The following DPM1 variants were observed in gnomAD, a reference collection of about 807,000 sequenced individuals.
DPM1 encodes dolichyl-phosphate mannosyltransferase subunit 1, catalytic, also known as dolichol-phosphate mannosyltransferase subunit 1.
DPM1 carries 27 observed loss-of-function variants against 39.0 expected under a neutral mutation model. That is an observed-to-expected ratio of 0.69 (90% CI 0.51 to 0.95). The LOEUF is 0.95. DPM1 is among the 40% of genes least tolerant of loss of function. DPM1 has a pLI of 0.00. For missense variants in DPM1, 307 were observed against 315.6 expected (o/e 0.97, Z 0.21); for synonymous variants, 124 against 109.0 (o/e 1.14, Z -0.86).
rs567737911 is a variant in DPM1, at chr20:50,935,354, G to A, written c.679-118C>T. ...TAGTCCTACAACAGAGGTCCTTAAA[G>A]TAAGTATAAAATTAGGGGATTATGA... On this transcript the variant is annotated intron_variant, in intron 8 of 8. Coordinates refer to ENST00000371588, the MANE Select transcript of DPM1 (RefSeq NM_003859.3). The A allele has an allele frequency of 1.5e-4, 107 of 700,630 alleles. No homozygotes were observed. In the East Asian group the frequency reaches 2.6e-3, roughly 17 times the overall value. The allele number at this position is 700,630 out of a possible 1,614,324, so 43.4% of individuals were successfully genotyped here.
In DPM1 at chr20:50,942,030, C is replaced by CAT. The variant is rs757405078; in HGVS notation, c.494_494+1insAT (p.Ser165ArgfsTer8). The CAT allele has an allele frequency of 1.9e-6, 3 of 1,610,300 alleles. No individual in the cohort carries two copies. The highest frequency in any genetic ancestry group is 2.5e-6 in the Non-Finnish European group (3 of 1,176,666). On this transcript the variant is annotated frameshift_variant and splice_region_variant. Transcript: ENST00000371588. LOFTEE classifies it high-confidence loss of function. ...AAAGAAGTTGTAACACATGTACCTA[C>CAT]CTGATTATTTTTCTTTTCAAATCCC...
rs1470781231 is a variant in DPM1 at position 50,942,048 on chromosome 20, C to T, written c.477G>A (p.Leu159=). Reference sequence around the variant, plus strand: ...GTACCTACCTGATTATTTTTCTTTTCAAATCCCAGCCATATACACCTCCAT... The same window carrying T: ...GTACCTACCTGATTATTTTTCTTTTTAAATCCCAGCCATATACACCTCCAT... ...KGNGGVYGWD[L]KRKIISRGAN... is the part of the protein sequence containing the mutation. Residue 159 remains leucine (L), a synonymous_variant, in exon 6 of 9, where the codon TTG becomes TTA. Transcript: ENST00000371588. 2.5e-6 allele frequency: 4 copies of T among 1,613,956 alleles called. No homozygotes were observed. The South Asian group carries it at 4.4e-5, about 18-fold the overall frequency.
chr20:50,953,518 G>A (rs1204552415), intron 2 of DPM1, among the ~76,000 whole-genome samples: 1 of 151,928 alleles, frequency 6.6e-6, no homozygotes, highest in Non-Finnish European at 1.5e-5. Context: ...TTTTTTAAAA[G>A]TCATTTTCTA....
At chr20:50,936,832 G>C (rs1985202647) in intron 7 of DPM1, among the ~76,000 whole-genome samples, 1 of 152,204 alleles carries the variant, frequency 6.6e-6, no homozygotes, top group African/African-American at 2.4e-5. Flanking sequence ...AGGCATCACA[G>C]GATAGAAACA....
intron 2 of DPM1, among the ~76,000 whole-genome samples, chr20:50,948,934 C>T (rs1461541609): frequency 6.6e-6 from 1 of 151,778 alleles, no homozygotes; most frequent in Non-Finnish European, 1.5e-5. Context: ...GATCTCCGCT[C>T]ACTGCAACCT....
chr20:50,958,360 T>C lies in DPM1; in HGVS notation c.161+3A>G. On this transcript the variant is annotated splice_donor_region_variant and intron_variant, in intron 1 of 8. Coordinates refer to ENST00000371588, the MANE Select transcript of DPM1 (RefSeq NM_003859.3). Reference sequence around the variant, plus strand: ...CTTCGGGGAGGGAGACCTGGTGCGCTACCTCTCGGAGAAGCTTTTCACCAG... The same window carrying C: ...CTTCGGGGAGGGAGACCTGGTGCGCCACCTCTCGGAGAAGCTTTTCACCAG... 6.2e-7 allele frequency: 1 copy of C among 1,613,302 alleles called. No homozygotes were observed.
chr20:50,937,838 T>TA (rs1985346134), intron 7 of DPM1, among the ~76,000 whole-genome samples: 4 of 151,922 alleles, frequency 2.6e-5, no homozygotes, highest in African/African-American at 7.3e-5. Flanking sequence ...TTATTATTAT[T>TA]TTTATTTTTT....
At chr20:50,954,709 GCCA>G (rs1986740527) in intron 2 of DPM1, among the ~76,000 whole-genome samples, 1 of 152,092 alleles carries the variant, frequency 6.6e-6, no homozygotes, top group African/African-American at 2.4e-5. Context: ...GACTAAAAAT[GCCA>G]AGTACTCTAA....
chr20:50,952,258 A>G (rs1179335130), intron 2 of DPM1, among the ~76,000 whole-genome samples: 4 of 152,242 alleles, frequency 2.6e-5, no homozygotes, highest in Non-Finnish European at 5.9e-5. Flanking sequence ...TTTATGGGAA[A>G]CTATAATTTG....
rs550693323 is a variant in DPM1 at position 50,958,496 on chromosome 20, G to C, written c.28C>G (p.Pro10Ala). 2 of 1,613,866 alleles carry C rather than the reference G, an allele frequency of 1.2e-6. No homozygotes were observed. The highest frequency in any genetic ancestry group is 1.3e-5 in the African/African-American group (1 of 75,002). Residue 10 changes from proline to alanine, a missense_variant, in exon 1 of 9, where the codon CCT (proline) becomes GCT (alanine). By Grantham distance (27) the Pro-to-Ala change is conservative. This residue lies in a region of DPM1 where 206 missense variants were observed against 188.2 expected (regional missense o/e 1.09). Transcript: ENST00000371588. MASLEVSRSPRRSRRELEVR... is the reference protein window; with the variant it reads MASLEVSRSARRSRRELEVR... ...TCCAGCTCCCGCCGAGACCTGCGAG[G>C]ACTACGACTGACTTCCAAGGAGGCC...
chr20:50,957,703 T>G (rs1986903443), intron 1 of DPM1, among the ~76,000 whole-genome samples: 1 of 152,216 alleles, frequency 6.6e-6, no homozygotes, highest in African/African-American at 2.4e-5. Context: ...CTTCAAAGAT[T>G]TCACAGCATG....
In DPM1 at chr20:50,945,932, G is replaced by T. The variant is rs1986258505; in HGVS notation, c.296-9C>A. On this transcript the variant is annotated splice_polypyrimidine_tract_variant and intron_variant, in intron 3 of 8. Transcript: ENST00000371588. ...ATGAATATATGCAGTTCCTAAAAATGAAAGTAGATCCATTCAAGAAAATCA... is the reference window on the plus strand; with the variant it reads ...ATGAATATATGCAGTTCCTAAAAATTAAAGTAGATCCATTCAAGAAAATCA... 1 of 1,609,812 alleles carries T rather than the reference G, an allele frequency of 6.2e-7. No homozygotes were observed. The highest frequency in any genetic ancestry group is 8.5e-7 in the Non-Finnish European group (1 of 1,176,672).
In DPM1 at chr20:50,935,107, G is replaced by T. The variant is rs764790771; in HGVS notation, c.*25C>A. The stretch of plus-strand genomic sequence containing the variant: ...CTTTCATGTTTAACCTGAAATGAAC[G>T]TAACTATAAATGAGTATCTTTCTTT... On this transcript the variant is annotated 3_prime_UTR_variant, in exon 9 of 9. Coordinates refer to ENST00000371588, the MANE Select transcript of DPM1 (RefSeq NM_003859.3). 7.7e-7 allele frequency: 1 copy of T among 1,306,896 alleles called. No homozygotes were observed. The highest frequency in any genetic ancestry group is 1.2e-5 in the South Asian group (1 of 84,088). 81.0% of individuals were successfully genotyped at this position (1,306,896 alleles called of 1,614,324 possible).
chr20:50,952,247 T>A (rs1442312343), intron 2 of DPM1, among the ~76,000 whole-genome samples: 1 of 152,240 alleles, frequency 6.6e-6, no homozygotes, highest in African/African-American at 2.4e-5. Flanking sequence ...TATAAAATAC[T>A]TTTATGGGAA....
chr20:50,958,313 G>C (rs186781097), intron 1 of DPM1, 50 bp downstream of exon 1: 2 of 1,603,370 alleles, frequency 1.2e-6, no homozygotes, highest in Admixed American at 3.4e-5. Context: ...CACCCGGGCC[G>C]GGGAAGCCAG....
chr20:50,938,172 G>A (rs941597695), intron 7 of DPM1, among the ~76,000 whole-genome samples: 4 of 152,072 alleles, frequency 2.6e-5, no homozygotes, highest in Admixed American at 6.6e-5. Context: ...CCATAAATGC[G>A]ATTAGGATCC....
At chr20:50,950,495 G>T (rs1354427020) in intron 2 of DPM1, among the ~76,000 whole-genome samples, 2 of 152,132 alleles carry the variant, frequency 1.3e-5, no homozygotes, top group East Asian at 1.9e-4. Context: ...TCTGGTATCT[G>T]CCCTGAAAAA....
Position 50,936,266 on chromosome 20 carries a change from TAAG to T in DPM1, c.564-7_564-5del. The T allele has an allele frequency of 6.4e-7, 1 of 1,560,930 alleles. No homozygotes were observed. The highest frequency in any genetic ancestry group is 8.8e-7 in the Non-Finnish European group (1 of 1,133,522). On this transcript the variant is annotated splice_polypyrimidine_tract_variant and splice_region_variant and intron_variant, in intron 7 of 8. Transcript: ENST00000371588. ...TAGAACTTCTTTTCGGTATAATCTG[TAAG>T]AAATTAAAAATATATATCAACTTCT...
At chr20:50,948,733 A>C in intron 2 of DPM1, 71 bp from the exon 3 acceptor site, 1 of 1,311,754 alleles carries the variant, frequency 7.6e-7, no homozygotes, top group Non-Finnish European at 1.1e-6. Flanking sequence ...TATCTTATTC[A>C]AAAGTGCATA....
Sources: gnomAD v4.1 joint callset for allele counts (sites outside exome capture counted in the v4.1 genomes callset) on GRCh38, gnomAD v4.1.1 for gene constraint, gnomAD v4.1.1 regional missense constraint, MANE v1.5 for transcripts, NCBI Gene and HGNC (gene_info 2026-07-23, HGNC 2026-07-21) for gene names.